KDM2A: variants seen among roughly 807,000 people sequenced by gnomAD.
KDM2A encodes the protein lysine demethylase 2A, also known as lysine-specific demethylase 2A.
In KDM2A, 3 loss-of-function variants were observed where a neutral mutation model predicts 137.3. The ratio of observed to expected loss-of-function variants is 0.02; its 90% CI spans 0.01 to 0.06. KDM2A has a LOEUF of 0.06. KDM2A is among the 10% of genes least tolerant of loss of function. KDM2A has a pLI of 1.00. For missense variants in KDM2A, 738 were observed against 1,510.6 expected, an observed-to-expected ratio of 0.49 and a Z score of 8.48; for synonymous variants, 512 against 541.5, an observed-to-expected ratio of 0.95 and a Z score of 0.76.
At chr11:67,200,728 A>G (rs1392068899) in intron 5 of KDM2A, among the ~76,000 whole-genome samples, 2 of 150,152 alleles carry the variant, frequency 1.3e-5, no homozygotes, top group African/African-American at 4.9e-5. Context: ...GCTGGTTTAG[A>G]ACTCCTGGGC....
At chr11:67,230,794 AAAG>A (rs1858688284) in intron 11 of KDM2A, among the ~76,000 whole-genome samples, 1 of 152,182 alleles carries the variant, frequency 6.6e-6, no homozygotes, top group African/African-American at 2.4e-5. Flanking sequence ...CTAAATTATA[AAAG>A]AAAAGACTGG....
chr11:67,245,136 A>T lies in KDM2A; in HGVS notation c.1564-53A>T, dbSNP rs1029927001. The T allele has an allele frequency of 6.3e-7, 1 of 1,587,808 alleles. No individual in the cohort carries two copies. The highest frequency in any genetic ancestry group is 8.6e-7 in the Non-Finnish European group (1 of 1,166,182). On this transcript the variant is annotated intron_variant, in intron 13 of 20. Transcript: ENST00000529006. The surrounding 1 kb of genome is among the most constrained non-coding windows in gnomAD (Gnocchi z 4.1). ...ATGCTACCATGTAATCTTCTACCCT[A>T]TCCAGTCTTAAAGCAACCTGATATA...
chr11:67,144,433 G>A (rs1427682659), intron 2 of KDM2A, among the ~76,000 whole-genome samples: 1 of 151,510 alleles, frequency 6.6e-6, no homozygotes, highest in Non-Finnish European at 1.5e-5. Context: ...TGTATTTTTA[G>A]TAGAGTTGGG....
intron 2 of KDM2A, among the ~76,000 whole-genome samples, chr11:67,145,308 A>T (rs1263372268): frequency 6.8e-6 from 1 of 146,116 alleles, no homozygotes; most frequent in Non-Finnish European, 1.5e-5. Flanking sequence ...AACATGGTGA[A>T]ACCCCGTCTA....
intron 2 of KDM2A, among the ~76,000 whole-genome samples, chr11:67,142,689 C>T (rs973089651): frequency 2.0e-5 from 3 of 151,110 alleles, no homozygotes; most frequent in Non-Finnish European, 2.9e-5. Context: ...GGGGGACAAG[C>T]GTGAGACTCC....
chr11:67,248,867 C>A (rs1175637206), intron 16 of KDM2A, among the ~76,000 whole-genome samples: 1 of 152,138 alleles, frequency 6.6e-6, no homozygotes, highest in African/African-American at 2.4e-5. Context: ...TGGAGGCAGC[C>A]CCTCCCCCAG....
intron 13 of KDM2A, among the ~76,000 whole-genome samples, chr11:67,244,049 GGGGT>G (rs1436319013): frequency 2.6e-5 from 4 of 152,196 alleles, no homozygotes; most frequent in Non-Finnish European, 5.9e-5. Context: ...TCACATTCCA[GGGGT>G]GTTTAGGCAG....
chr11:67,154,008 C>T (rs1590729089), intron 2 of KDM2A, among the ~76,000 whole-genome samples: 1 of 152,134 alleles, frequency 6.6e-6, no homozygotes, highest in Admixed American at 6.6e-5. Flanking sequence ...AGAACATGAT[C>T]TTACCACAGA....
At chr11:67,162,967 C>T (rs1856666215) in intron 2 of KDM2A, among the ~76,000 whole-genome samples, 1 of 152,194 alleles carries the variant, frequency 6.6e-6, no homozygotes, top group African/African-American at 2.4e-5. Flanking sequence ...GCCCCAGCCT[C>T]CCAAAGCGTT....
chr11:67,211,662 TTAG>T (rs2136388605), intron 6 of KDM2A, among the ~76,000 whole-genome samples: 1 of 148,256 alleles, frequency 6.7e-6, no homozygotes, highest in African/African-American at 2.5e-5. Context: ...TAATAGCCTA[TTAG>T]TAGTTCTTTT....
intron 5 of KDM2A, among the ~76,000 whole-genome samples, chr11:67,191,570 C>T (rs970378733): frequency 1.3e-5 from 2 of 152,084 alleles, no homozygotes; most frequent in Admixed American, 1.3e-4. Flanking sequence ...ATTTCATTAA[C>T]AGTGAAGGAG....
chr11:67,180,292 C>G, intron 3 of KDM2A, 75 bp downstream of exon 3: 1 of 1,459,140 alleles, frequency 6.9e-7, no homozygotes, highest in East Asian at 2.3e-5. Flanking sequence ...GGGGGTTTAG[C>G]CTTTATCCAG....
chr11:67,172,617 TGTGTG>T (rs1196480359), intron 2 of KDM2A, among the ~76,000 whole-genome samples: 5 of 7,020 alleles, frequency 7.1e-4, no homozygotes, highest in South Asian at 0.033. Context: ...CTCTTATAGT[TGTGTG>T]TGTGTGTGTG....
chr11:67,245,077 AT>A lies in KDM2A; in HGVS notation c.1564-111del, dbSNP rs2136449976. ...TATTCTAGAAACAAGCAGTGGGCAG[AT>A]CTGGCCATAGTGGGCCAAGCCCCAG... On this transcript the variant is annotated intron_variant, in intron 13 of 20. Coordinates refer to ENST00000529006, the MANE Select transcript of KDM2A (RefSeq NM_012308.3). The surrounding 1 kb of genome is among the most constrained non-coding windows in gnomAD (Gnocchi z 4.1). 8.7e-7 allele frequency: 1 copy of A among 1,154,064 alleles called. No individual in the cohort carries two copies. The highest frequency in any genetic ancestry group is 1.5e-5 in the African/African-American group (1 of 65,258). 71.5% of individuals were successfully genotyped at this position (1,154,064 alleles called of 1,614,324 possible).
intron 2 of KDM2A, among the ~76,000 whole-genome samples, chr11:67,124,782 T>C (rs1167628498): frequency 6.6e-6 from 1 of 152,004 alleles, no homozygotes; most frequent in African/African-American, 2.4e-5. Flanking sequence ...GCATATGTTT[T>C]CTTTTGTTTA....
chr11:67,195,816 A>G (rs1349272333), intron 5 of KDM2A: 3 of 199,580 alleles, frequency 1.5e-5, no homozygotes, highest in Admixed American at 5.4e-5. Context: ...AATTGTTAAT[A>G]TTGCCTGTGT....
Position 67,231,543 on chromosome 11 carries a change from G to T in KDM2A, c.1085-23G>T, listed in dbSNP as rs1395440652. ...CATGGCAGAGTGAAATGTTCTTACT[G>T]CATTTTTTCTTCATATTGGTAGATT... is the stretch of plus-strand genomic sequence containing the variant. On this transcript the variant is annotated intron_variant, in intron 11 of 20. Coordinates refer to ENST00000529006, the MANE Select transcript of KDM2A (RefSeq NM_012308.3). 6 of 1,556,684 alleles carry T rather than the reference G, an allele frequency of 3.9e-6. No individual in the cohort carries two copies. The East Asian group carries it at 1.4e-4, about 36-fold the overall frequency.
chr11:67,213,583 C>A (rs561075196), intron 6 of KDM2A, among the ~76,000 whole-genome samples: 1 of 151,932 alleles, frequency 6.6e-6, no homozygotes, highest in East Asian at 1.9e-4. Context: ...GATGGTGAAA[C>A]CCTGTCTCTA....
At chr11:67,144,250 ATT>A (rs780214487) in intron 2 of KDM2A, among the ~76,000 whole-genome samples, 13 of 131,656 alleles carry the variant, frequency 9.9e-5, no homozygotes, top group African/African-American at 1.1e-4. Flanking sequence ...TTGGCCTTAA[ATT>A]TTTTTTTTTT....
Sources: gnomAD v4.1 joint callset for allele counts (sites outside exome capture counted in the v4.1 genomes callset) on GRCh38, gnomAD v4.1.1 for gene constraint, Gnocchi (gnomAD v3.1) non-coding constraint, MANE v1.5 for transcripts, NCBI Gene and HGNC (gene_info 2026-07-23, HGNC 2026-07-21) for gene names.